The following PTK2 variants were observed in gnomAD, a reference collection of about 807,000 sequenced individuals.
PTK2 encodes the protein protein tyrosine kinase 2.
In PTK2, 45 loss-of-function variants were observed where a neutral mutation model predicts 150.1. The ratio of observed to expected loss-of-function variants is 0.30; its 90% CI spans 0.24 to 0.38. The LOEUF is 0.38. Among genes scored for constraint, PTK2 ranks in the 10% least tolerant of loss-of-function variants. The pLI is 1.00. For synonymous variants in PTK2, 432 were observed against 449.2 expected (o/e 0.96, Z 0.48); for missense variants, 919 against 1,307.3 (o/e 0.70, Z 4.58).
intron 2 of PTK2, among the ~76,000 whole-genome samples, chr8:140,913,168 T>C (rs964443138): frequency 6.6e-6 from 1 of 152,148 alleles, no homozygotes; most frequent in African/African-American, 2.4e-5. Context: ...CAGTAACACA[T>C]TAACAGATTT....
chr8:140,985,591 T>TTGGCTAATTCCTCTCCCCACC (rs2154610067), intron 1 of PTK2, among the ~76,000 whole-genome samples: 1 of 152,242 alleles, frequency 6.6e-6, no homozygotes, highest in East Asian at 1.9e-4. Flanking sequence ...CCCTCTCCAC[T>TTGGCTAATTCCTCTCCCCACC]TGGCTAATTC....
At chr8:140,889,135 ATAAT>A (rs60815319) in intron 3 of PTK2, among the ~76,000 whole-genome samples, 3,690 of 152,338 alleles carry the variant, frequency 0.024, 159 homozygotes, top group African/African-American at 0.085. Context: ...CATATTTTTA[ATAAT>A]TAATCCATTT....
At chr8:140,782,569 TGTCCCGTAGA>T (rs775131783) in intron 14 of PTK2, among the ~76,000 whole-genome samples, 2 of 152,244 alleles carry the variant, frequency 1.3e-5, no homozygotes, top group Middle Eastern at 3.4e-3. Flanking sequence ...ATTTTTTCAG[TGTCCCGTAGA>T]TTTGGTAGGG....
intron 12 of PTK2, among the ~76,000 whole-genome samples, chr8:140,797,574 C>T (rs114261666): frequency 3.3e-4 from 50 of 152,268 alleles, no homozygotes; most frequent in African/African-American, 1.2e-3. Context: ...ACACAGAAAA[C>T]CTACTTACAA....
At chr8:140,915,555 G>C (rs2100164909) in intron 2 of PTK2, among the ~76,000 whole-genome samples, 1 of 152,016 alleles carries the variant, frequency 6.6e-6, no homozygotes, top group African/African-American at 2.4e-5. Flanking sequence ...GCATAATATG[G>C]GGCATGCTGT....
intron 8 of PTK2, chr8:140,821,648 TA>T (rs1483969274): frequency 6.6e-6 from 1 of 152,182 alleles, no homozygotes; most frequent in Non-Finnish European, 1.5e-5. Context: ...CTGAAGTATT[TA>T]AATACATGGG....
intron 5 of PTK2, among the ~76,000 whole-genome samples, chr8:140,857,788 T>C (rs369030081): frequency 6.6e-6 from 1 of 152,164 alleles, no homozygotes; most frequent in East Asian, 1.9e-4. Flanking sequence ...CTCCATTTGG[T>C]AGTAACTTGT....
intron 21 of PTK2, among the ~76,000 whole-genome samples, chr8:140,736,727 TC>T (rs2100052814): frequency 6.6e-6 from 1 of 152,144 alleles, no homozygotes; most frequent in Non-Finnish European, 1.5e-5. Context: ...GCCAAAAACA[TC>T]CCTTTACCTT....
At chr8:140,952,903 G>A (rs1404871997) in intron 1 of PTK2, among the ~76,000 whole-genome samples, 2 of 152,116 alleles carry the variant, frequency 1.3e-5, no homozygotes, top group South Asian at 2.1e-4. Flanking sequence ...CTAGGGCTCC[G>A]TTTTCTGCTA....
At chr8:140,997,652 A>T (rs2100198306) in intron 1 of PTK2, among the ~76,000 whole-genome samples, 1 of 152,230 alleles carries the variant, frequency 6.6e-6, no homozygotes, top group South Asian at 2.1e-4. Flanking sequence ...TACGTCATGT[A>T]CATTAGCTGG....
At chr8:140,845,454 C>A (rs956840288) in intron 7 of PTK2, among the ~76,000 whole-genome samples, 1 of 152,172 alleles carries the variant, frequency 6.6e-6, no homozygotes, top group Admixed American at 6.5e-5. Flanking sequence ...CAACAAACCC[C>A]ACATATCTAC....
chr8:140,980,479 G>A lies in PTK2; in HGVS notation c.-122+20646C>T, dbSNP rs376319370. On this transcript the variant is annotated intron_variant, in intron 1 of 31. Coordinates refer to ENST00000522684, the Ensembl canonical transcript of PTK2. ...CTACTAAAAATAGAAAAAATTAGCC[G>A]GGCATGGTGGTGGGCGCCTGTAGTC... Among the ~76,000 whole-genome samples the A allele has an allele frequency of 4.9e-4, 74 of 152,004 alleles. 1 individual carries two copies. The highest frequency in any genetic ancestry group is 1.7e-3 in the African/African-American group (70 of 41,474).
At chr8:140,870,716 G>C in intron 4 of PTK2, among the ~76,000 whole-genome samples, 1 of 151,954 alleles carries the variant, frequency 6.6e-6, no homozygotes, top group Non-Finnish European at 1.5e-5. Context: ...AAGACAAAGG[G>C]CACACCTAAT....
intron 23 of PTK2, among the ~76,000 whole-genome samples, chr8:140,711,792 C>T (rs760608290): frequency 8.5e-5 from 13 of 152,126 alleles, no homozygotes; most frequent in Non-Finnish European, 1.5e-5. Context: ...GATCTGAGTG[C>T]TTTATACATG....
intron 4 of PTK2, among the ~76,000 whole-genome samples, chr8:140,865,704 T>C (rs1229472161): frequency 6.6e-6 from 1 of 152,256 alleles, no homozygotes; most frequent in Non-Finnish European, 1.5e-5. Flanking sequence ...TATTCTACAT[T>C]GGGTTATTAT....
At chr8:140,890,590 T>C in exon 3 of PTK2, 1 of 1,614,148 alleles carries the variant, frequency 6.2e-7, no homozygotes. Flanking sequence ...GCCCAGGTGG[T>C]TGGCTCACTA....
chr8:140,763,299 G>T (rs572196687), intron 15 of PTK2, among the ~76,000 whole-genome samples: 3 of 152,074 alleles, frequency 2.0e-5, no homozygotes, highest in African/African-American at 7.2e-5. Flanking sequence ...ATCCAAACAA[G>T]AATATTTACA....
chr8:140,792,022 C>T (rs530001252), intron 13 of PTK2, among the ~76,000 whole-genome samples: 2 of 152,220 alleles, frequency 1.3e-5, no homozygotes, highest in South Asian at 4.2e-4. Flanking sequence ...GCACAGAGCA[C>T]GGACAGGCTA....
At chr8:140,712,419 T>C (rs571010746) in intron 23 of PTK2, among the ~76,000 whole-genome samples, 31 of 152,290 alleles carry the variant, frequency 2.0e-4, no homozygotes, top group South Asian at 8.3e-4. Context: ...GAGGAGTATT[T>C]TGGTAGATTC....
Sources: gnomAD v4.1 joint callset for allele counts (sites outside exome capture counted in the v4.1 genomes callset) on GRCh38, gnomAD v4.1.1 for gene constraint, MANE v1.5 for transcripts, NCBI Gene and HGNC (gene_info 2026-07-23, HGNC 2026-07-21) for gene names.